MCRIP1: variants seen among roughly 807,000 people sequenced by gnomAD.
MCRIP1 encodes the protein MAPK regulated corepressor interacting protein 1, also known as mapk-regulated corepressor-interacting protein 1.
In MCRIP1, 10 loss-of-function variants were observed where a neutral mutation model predicts 14.4. The ratio of observed to expected loss-of-function variants is 0.70; its 90% confidence interval spans 0.43 to 1.18. The LOEUF (loss-of-function observed/expected upper bound fraction) is 1.18. Ranked by LOEUF, MCRIP1 falls within the 50% of genes most tolerant of loss-of-function variation. MCRIP1 has a pLI of 0.00. For missense variants in MCRIP1, 119 were observed against 135.4 expected, an observed-to-expected ratio of 0.88 and a Z score of 0.60; for synonymous variants, 53 against 55.7, an observed-to-expected ratio of 0.95 and a Z score of 0.21.
chr17:81,825,606 G>A (rs2143217522), intron 1 of MCRIP1: 4 of 1,289,242 alleles, frequency 3.1e-6, no homozygotes, highest in Non-Finnish European at 4.0e-6. Context: ...TCATGTCAAT[G>A]GTCCAGCCCT....
chr17:81,824,382 T>C lies in MCRIP1; in HGVS notation c.32A>G (p.Tyr11Cys), dbSNP rs2038340678. 6 of 1,535,802 alleles carry C rather than the reference T, an allele frequency of 3.9e-6. No homozygotes were observed. The highest frequency in any genetic ancestry group is 5.2e-6 in the Non-Finnish European group (6 of 1,146,310). The change falls in exon 3 of 5, where the codon TAC becomes TGC. Residue 11 changes from tyrosine to cysteine, a missense_variant. Coordinates refer to ENST00000455127, the MANE Select transcript of MCRIP1 (RefSeq NM_207368.5). MTSSPVSRVVYNGKRTSSPRS... is the reference protein window; with the variant it reads MTSSPVSRVVCNGKRTSSPRS... ...GGGGCTGCTGGTCCTCTTGCCGTTG[T>C]ACACGACTCTGGAGACGGGGGAGCT...
intron 1 of MCRIP1, among the ~76,000 whole-genome samples, chr17:81,831,811 G>C (rs1195152021): frequency 5.3e-5 from 8 of 152,170 alleles, no homozygotes. Context: ...CCCTACAGCA[G>C]GTTTCTGGAC....
chr17:81,826,699 A>G (rs2038406558), intron 1 of MCRIP1: 5 of 315,398 alleles, frequency 1.6e-5, no homozygotes, highest in South Asian at 4.0e-5. Context: ...GGCACCCGTA[A>G]TCCCAGCTAC....
chr17:81,831,355 C>CAACA (rs1047579178), intron 1 of MCRIP1, among the ~76,000 whole-genome samples: 2 of 120,928 alleles, frequency 1.7e-5, no homozygotes, highest in Non-Finnish European at 3.4e-5. Flanking sequence ...TCAAAACAAA[C>CAACA]AACAAACAAA....
intron 1 of MCRIP1, among the ~76,000 whole-genome samples, chr17:81,832,551 C>G (rs1373547259): frequency 1.3e-5 from 2 of 152,248 alleles, no homozygotes; most frequent in Admixed American, 6.5e-5. Flanking sequence ...TTTGGTCAAG[C>G]TGTCTTCTCT....
chr17:81,827,901 C>T (rs1449860495), intron 1 of MCRIP1, among the ~76,000 whole-genome samples: 2 of 151,214 alleles, frequency 1.3e-5, no homozygotes, highest in Non-Finnish European at 2.9e-5. Flanking sequence ...CTGCCTCAGC[C>T]TCTCGAGTCG....
At chr17:81,824,917 A>G (rs145284766) in intron 1 of MCRIP1, 237,093 of 1,155,094 alleles carry the variant, frequency 0.21, 26,393 homozygotes, top group African/African-American at 0.36. Flanking sequence ...TGGGGCCGTC[A>G]GCATCTCTGA....
chr17:81,827,921 T>C (rs924590255), intron 1 of MCRIP1, among the ~76,000 whole-genome samples: 6 of 148,744 alleles, frequency 4.0e-5, no homozygotes, highest in Admixed American at 3.3e-4. Context: ...GCTGGGACTA[T>C]AGGCGCCCGC....
intron 1 of MCRIP1, among the ~76,000 whole-genome samples, chr17:81,829,776 C>T (rs892472489): frequency 3.9e-5 from 6 of 152,286 alleles, no homozygotes; most frequent in East Asian, 1.9e-4. Flanking sequence ...CCACATCCCA[C>T]GCCACCCCAC....
At chr17:81,829,326 T>C (rs1186744530) in intron 1 of MCRIP1, among the ~76,000 whole-genome samples, 2 of 152,122 alleles carry the variant, frequency 1.3e-5, no homozygotes, top group Non-Finnish European at 2.9e-5. Flanking sequence ...CGAGACCCCA[T>C]CCAGCCCGGC....
At chr17:81,825,147 T>G (rs998553642) in intron 1 of MCRIP1, 5 of 1,035,186 alleles carry the variant, frequency 4.8e-6, no homozygotes, top group Non-Finnish European at 5.8e-6. Context: ...ACCCTGGAGA[T>G]GGAACCAAAC....
At chr17:81,826,245 AC>A (rs2038393048) in intron 1 of MCRIP1, 2 of 1,527,292 alleles carry the variant, frequency 1.3e-6, no homozygotes, top group African/African-American at 1.4e-5. Flanking sequence ...ACACACACAC[AC>A]ACCTGCCCAC....
At chr17:81,827,257 A>G (rs2038425966) in intron 1 of MCRIP1, among the ~76,000 whole-genome samples, 1 of 151,468 alleles carries the variant, frequency 6.6e-6, no homozygotes, top group African/African-American at 2.4e-5. Flanking sequence ...GCAAAATCCC[A>G]TTTCTTTTAT....
At chr17:81,827,357 C>T (rs986569493) in intron 1 of MCRIP1, among the ~76,000 whole-genome samples, 3 of 151,412 alleles carry the variant, frequency 2.0e-5, no homozygotes, top group Admixed American at 1.3e-4. Context: ...CTGCAAGCTC[C>T]GCCTCCCGGG....
At chr17:81,825,070 G>C in intron 1 of MCRIP1, 1 of 1,014,526 alleles carries the variant, frequency 9.9e-7, no homozygotes, top group Non-Finnish European at 1.2e-6. Flanking sequence ...TCCTAAAGGT[G>C]ATCCCAGCTC....
rs558348079 is a variant in MCRIP1 at position 81,822,960 on chromosome 17, G to A, written c.*287C>T. On this transcript the variant is annotated 3_prime_UTR_variant, in exon 5 of 5. Coordinates refer to ENST00000455127, the MANE Select transcript of MCRIP1 (RefSeq NM_207368.5). ...GGGGAGAGGAGAGAGGTCAGGTCAG[G>A]GCCCCTGGGGGCCAGGCAGCTTCAA... 1.9e-5 allele frequency: 11 copies of A among 577,236 alleles called. No individual in the cohort carries two copies. The highest frequency in any genetic ancestry group is 3.1e-5 in the Non-Finnish European group (10 of 322,946). 35.8% of individuals were successfully genotyped at this position (577,236 alleles called of 1,614,324 possible).
At chr17:81,826,248 C>A (rs1029999602) in intron 1 of MCRIP1, 40 of 1,525,276 alleles carry the variant, frequency 2.6e-5, no homozygotes, top group Non-Finnish European at 3.3e-5. Flanking sequence ...CACACACACA[C>A]CTGCCCACAC....
rs569675297 is a variant in MCRIP1, at chr17:81,824,859, C to A, written c.-48-305G>T. 1.7e-4 allele frequency: 219 copies of A among 1,276,020 alleles called. 1 individual carries two copies. The East Asian group carries it at 7.3e-3, about 43-fold the overall frequency. The allele number at this position is 1,276,020 out of a possible 1,614,324, so 79.0% of individuals were successfully genotyped here. A position where few individuals can be genotyped will look rare whatever the true frequency, so the allele number is the denominator to read the frequency against. ...CAGGCTCAGACGTGGAGGCCTCAGC[C>A]CCAGCACCGGGAGCACTGTGGCCAG... On this transcript the variant is annotated intron_variant, in intron 1 of 4. Transcript: ENST00000455127.
At chr17:81,824,664 G>A in intron 1 of MCRIP1, 110 bp from the exon 2 acceptor site, 1 of 1,504,318 alleles carries the variant, frequency 6.6e-7, no homozygotes, top group Non-Finnish European at 8.9e-7. Flanking sequence ...TGAACAAAGT[G>A]CATGGTCCCT....
Sources: allele counts gnomAD v4.1 joint callset (sites outside exome capture counted in the v4.1 genomes callset), GRCh38; gene constraint gnomAD v4.1.1; transcripts MANE v1.5; gene names NCBI Gene and HGNC (gene_info 2026-07-23, HGNC 2026-07-21).